The following TCF7L2 variants were observed in gnomAD, a reference collection of about 807,000 sequenced individuals.
TCF7L2 encodes transcription factor 7-like 2.
A neutral mutation model predicts 77.9 loss-of-function variants in TCF7L2; 23 were observed. That is an observed-to-expected ratio of 0.30 (90% CI 0.21 to 0.42). The LOEUF (loss-of-function observed/expected upper bound fraction) is 0.42, where lower values mean the gene tolerates loss of function less well. TCF7L2 is among the 10% of genes least tolerant of loss of function. The pLI, the probability that TCF7L2 is intolerant of heterozygous loss-of-function variation, is 1.00. For synonymous variants in TCF7L2, 413 were observed against 340.2 expected, an observed-to-expected ratio of 1.21 and a Z score of -2.36; for missense variants, 654 against 793.1, an observed-to-expected ratio of 0.82 and a Z score of 2.11.
intron 3 of TCF7L2, among the ~76,000 whole-genome samples, 180 bp from the exon 4 acceptor site, chr10:112,964,376 T>G (rs1202017189): frequency 4.6e-5 from 7 of 152,150 alleles, no homozygotes; most frequent in African/African-American, 7.2e-5. Context: ...AAAAAAACTT[T>G]ACCTTAGATT....
Position 113,151,065 on chromosome 10 carries a change from G to A in TCF7L2, c.943G>A (p.Val315Ile), listed in dbSNP as rs769696744. The change falls in exon 9 of 14, where the codon GTC (valine) becomes ATC (isoleucine). Residue 315 changes from valine (V) to isoleucine (I), a missense_variant. Physicochemically the swap from Val to Ile is conservative, Grantham distance 29. Coordinates refer to ENST00000627217, the MANE Select transcript of TCF7L2 (RefSeq NM_001146274.2). The surrounding 1 kb of genome is among the most constrained non-coding windows in gnomAD (Gnocchi z 5.2). ...GACGGGCATTCCGCATCCGGCCATAGTCACACCAACAGTCAAACAGGAATC... is the reference window on the plus strand; with the variant it reads ...GACGGGCATTCCGCATCCGGCCATAATCACACCAACAGTCAAACAGGAATC... 44 of 1,614,042 alleles carry A rather than the reference G, an allele frequency of 2.7e-5. No homozygotes were observed. Among genetic ancestry groups the A allele is most frequent in the Non-Finnish European group, 3.6e-5 (43 of 1,180,028 alleles).
chr10:113,144,823 C>G (rs1165142101), intron 7 of TCF7L2, among the ~76,000 whole-genome samples: 1 of 152,124 alleles, frequency 6.6e-6, no homozygotes, highest in African/African-American at 2.4e-5. Flanking sequence ...GTAGAAAGGC[C>G]TTTGATGCAT....
At chr10:113,020,261 C>T (rs927959640) in intron 4 of TCF7L2, among the ~76,000 whole-genome samples, 22 of 152,144 alleles carry the variant, frequency 1.4e-4, no homozygotes, top group African/African-American at 4.3e-4. Context: ...CTTTGATTGA[C>T]GTGGGTAGGA....
chr10:113,098,666 A>T (rs1308151697), intron 5 of TCF7L2, among the ~76,000 whole-genome samples: 2 of 152,244 alleles, frequency 1.3e-5, no homozygotes, highest in East Asian at 3.8e-4. Context: ...AGATCGCGCC[A>T]CTGCACTCCA....
intron 13 of TCF7L2, among the ~76,000 whole-genome samples, chr10:113,164,596 TAAA>T (rs34634002): frequency 5.0e-5 from 7 of 141,330 alleles, no homozygotes; most frequent in Non-Finnish European, 1.1e-4. Context: ...CCCCAAATCT[TAAA>T]AAAAAAAAAA....
intron 7 of TCF7L2, among the ~76,000 whole-genome samples, chr10:113,144,717 T>C (rs1424244250): frequency 1.3e-5 from 2 of 152,190 alleles, no homozygotes; most frequent in Non-Finnish European, 2.9e-5. Context: ...CACTGCAGCA[T>C]GTGGGGCCTT....
chr10:113,121,071 G>T (rs999116528), intron 5 of TCF7L2, among the ~76,000 whole-genome samples: 1 of 152,184 alleles, frequency 6.6e-6, no homozygotes, highest in South Asian at 2.1e-4. Flanking sequence ...GCAAAATGGG[G>T]GGAAAAGGGA....
At chr10:113,097,714 G>A (rs1031491790) in intron 5 of TCF7L2, among the ~76,000 whole-genome samples, 3 of 147,006 alleles carry the variant, frequency 2.0e-5, no homozygotes, top group Non-Finnish European at 4.5e-5. Context: ...AGGGAAAGGT[G>A]TACCCTGGAG....
In TCF7L2 at chr10:113,062,544, T is replaced by A. The variant is rs374184048; in HGVS notation, c.552+22418T>A. On this transcript the variant is annotated intron_variant, in intron 5 of 13. Coordinates refer to ENST00000627217, the MANE Select transcript of TCF7L2 (RefSeq NM_001146274.2). The stretch of plus-strand genomic sequence containing the variant: ...GTGGTTCTTCTATGGCTACTGCACT[T>A]TTTTTTTTTTCTTACTGTCTCCCCC... Among the ~76,000 whole-genome samples, 37 of 150,522 alleles carry A rather than the reference T, an allele frequency of 2.5e-4. No homozygotes were observed. The South Asian group carries it at 7.6e-3, about 31-fold the overall frequency.
chr10:113,071,330 G>A (rs937683093), intron 5 of TCF7L2, among the ~76,000 whole-genome samples: 3 of 152,090 alleles, frequency 2.0e-5, no homozygotes, highest in African/African-American at 7.2e-5. Context: ...CTGCTGTGTT[G>A]GCAAGCAGAG....
In TCF7L2 at chr10:113,074,025, G is replaced by A. The variant is rs542675111; in HGVS notation, c.552+33899G>A. On this transcript the variant is annotated intron_variant, in intron 5 of 13. Coordinates refer to ENST00000627217, the MANE Select transcript of TCF7L2 (RefSeq NM_001146274.2). The stretch of plus-strand genomic sequence containing the variant: ...GCTGCTGTTGACTCTGGTGTCGGCC[G>A]CTGGTGAGCTGGCTGTAGCTGGTCA... Among the ~76,000 whole-genome samples, 27 of 152,270 alleles carry A rather than the reference G, an allele frequency of 1.8e-4. No homozygotes were observed. The South Asian group carries it at 4.8e-3, about 27-fold the overall frequency.
chr10:113,070,126 A>G (rs2057766799), intron 5 of TCF7L2, among the ~76,000 whole-genome samples: 1 of 151,816 alleles, frequency 6.6e-6, no homozygotes, highest in South Asian at 2.1e-4. Flanking sequence ...TGTGGTGGCA[A>G]GTGCCTGTAA....
intron 5 of TCF7L2, among the ~76,000 whole-genome samples, chr10:113,093,200 T>C (rs1011460651): frequency 6.6e-6 from 1 of 152,154 alleles, no homozygotes; most frequent in African/African-American, 2.4e-5. Context: ...CTATATTAAC[T>C]TTTCCAAACC....
intron 4 of TCF7L2, among the ~76,000 whole-genome samples, chr10:113,024,777 G>A (rs1159693493): frequency 1.3e-5 from 2 of 151,388 alleles, no homozygotes; most frequent in Non-Finnish European, 2.9e-5. Flanking sequence ...TTCCCACCAC[G>A]CACAGCTAAT....
chr10:113,149,986 T>C (rs2070394754), intron 8 of TCF7L2, among the ~76,000 whole-genome samples: 1 of 152,076 alleles, frequency 6.6e-6, no homozygotes, highest in African/African-American at 2.4e-5. Flanking sequence ...AAATTGAAAA[T>C]GAGAAAGGTG....
Position 112,950,676 on chromosome 10 carries a change from A to C in TCF7L2, c.-81A>C. On this transcript the variant is annotated 5_prime_UTR_variant, in exon 1 of 14. Coordinates refer to ENST00000627217, the MANE Select transcript of TCF7L2 (RefSeq NM_001146274.2). The stretch of plus-strand genomic sequence containing the variant: ...CTTGCAATATTTTTTGGGGGGGCAA[A>C]ACTTTTTGGGGGTGATTTTTTTTGG... The C allele has an allele frequency of 2.0e-6, 3 of 1,493,644 alleles. No homozygotes were observed. The highest frequency in any genetic ancestry group is 2.7e-6 in the Non-Finnish European group (3 of 1,122,102). 92.5% of individuals were successfully genotyped at this position (1,493,644 alleles called of 1,614,324 possible). A position where few individuals can be genotyped will look rare whatever the true frequency, so the allele number is the denominator to read the frequency against.
intron 11 of TCF7L2, among the ~76,000 whole-genome samples, chr10:113,156,092 C>T (rs113324506): frequency 1.2e-4 from 18 of 151,156 alleles, no homozygotes; most frequent in Non-Finnish European, 2.4e-4. Context: ...CAGAACCTAA[C>T]GTGTTCTCGA....
rs148617311 is a variant in TCF7L2, at chr10:113,052,082, T to C, written c.552+11956T>C. On this transcript the variant is annotated intron_variant, in intron 5 of 13. Coordinates refer to ENST00000627217, the MANE Select transcript of TCF7L2 (RefSeq NM_001146274.2). ...ATACAGTTGTTTATTTCTGTTTGAC[T>C]GATTATTACAACTTCATTATTTGAT... Among the ~76,000 whole-genome samples, 724 of 152,324 alleles carry C rather than the reference T, an allele frequency of 4.8e-3. 6 individuals are homozygous for C. Among genetic ancestry groups the C allele is most frequent in the Non-Finnish European group, 5.3e-3 (360 of 68,034 alleles).
At chr10:112,978,619 ACC>A (rs2039887243) in intron 4 of TCF7L2, among the ~76,000 whole-genome samples, 1 of 147,594 alleles carries the variant, frequency 6.8e-6, no homozygotes, top group African/African-American at 2.5e-5. Context: ...GGCACCTGCC[ACC>A]ACGCCTGGCT....
Sources: allele counts gnomAD v4.1 joint callset (sites outside exome capture counted in the v4.1 genomes callset), GRCh38; gene constraint gnomAD v4.1.1; non-coding constraint Gnocchi (gnomAD v3.1); transcripts MANE v1.5; gene names NCBI Gene and HGNC (gene_info 2026-07-23, HGNC 2026-07-21).